CMSS1: variants seen among roughly 807,000 people sequenced by gnomAD.
CMSS1 encodes protein CMSS1.
A neutral mutation model predicts 43.5 loss-of-function variants in CMSS1; 33 were observed. The observed-to-expected ratio is 0.76, with a 90% CI of 0.57 to 1.01. The LOEUF is 1.01. CMSS1 is among the 50% of genes least tolerant of loss of function. The pLI is 0.00. For missense variants in CMSS1, 313 were observed against 326.4 expected (o/e 0.96, Z 0.32); for synonymous variants, 115 against 117.2 (o/e 0.98, Z 0.12).
chr3:99,974,460 AG>A (rs1708910743), intron 1 of CMSS1, among the ~76,000 whole-genome samples: 2 of 152,218 alleles, frequency 1.3e-5, no homozygotes, highest in African/African-American at 2.4e-5. Context: ...CTGTAATCAC[AG>A]CACTTTGGGA....
chr3:99,947,210 A>T (rs545809851), intron 1 of CMSS1, among the ~76,000 whole-genome samples: 3 of 151,446 alleles, frequency 2.0e-5, no homozygotes, highest in South Asian at 4.2e-4. Flanking sequence ...AAGAATTTTT[A>T]AAATTTACCT....
rs981990210 is a variant in CMSS1 at position 99,950,657 on chromosome 3, C to T, written c.64+132614C>T. Reference sequence around the variant, plus strand: ...CCCACTCACCATTTCCAATATTCGCCTCCCCAGACAGAAAGAGGAATGGAG... The same window carrying T: ...CCCACTCACCATTTCCAATATTCGCTTCCCCAGACAGAAAGAGGAATGGAG... On this transcript the variant is annotated intron_variant, in intron 1 of 9. Transcript: ENST00000421999. Among the ~76,000 whole-genome samples the T allele has an allele frequency of 3.3e-5, 5 of 152,162 alleles. No homozygotes were observed. In the South Asian group the frequency reaches 1.0e-3, roughly 32 times the overall value.
chr3:99,965,480 A>G (rs1708622209), intron 1 of CMSS1, among the ~76,000 whole-genome samples: 1 of 152,222 alleles, frequency 6.6e-6, no homozygotes, highest in African/African-American at 2.4e-5. Flanking sequence ...ATTGAGATAA[A>G]TGTTAAATTT....
chr3:99,928,943 A>G (rs1213610421), intron 1 of CMSS1, among the ~76,000 whole-genome samples: 1 of 152,214 alleles, frequency 6.6e-6, no homozygotes, highest in African/African-American at 2.4e-5. Flanking sequence ...ACTATTTGGC[A>G]AGACAGTAGT....
rs1418212431 is a variant in CMSS1, at chr3:100,037,964, G to C, written c.65-109009G>C. Among the ~76,000 whole-genome samples the C allele has an allele frequency of 1.4e-4, 17 of 124,134 alleles. 1 individual carries two copies. Among genetic ancestry groups the C allele is most frequent in the African/African-American group, 5.3e-4 (17 of 32,014 alleles). The allele number at this position is 124,134 out of a possible 152,430, so 81.4% of individuals were successfully genotyped here. On this transcript the variant is annotated intron_variant, in intron 1 of 9. Coordinates refer to ENST00000421999, the MANE Select transcript of CMSS1 (RefSeq NM_032359.4). ...CTTTTTTTTTTTTTTTTTGGGGGGGGAGGGAACAGAGTCTCAAATCTCGCT... is the reference window on the plus strand; with the variant it reads ...CTTTTTTTTTTTTTTTTTGGGGGGGCAGGGAACAGAGTCTCAAATCTCGCT...
rs76949517 is a variant in CMSS1 at position 99,874,021 on chromosome 3, G to A, written c.64+55978G>A. Reference sequence around the variant, plus strand: ...TGCTCATCCAAAGAGCCCAGTGTGAGATAGGGTATCCATGATAAGTCATAC... The same window carrying A: ...TGCTCATCCAAAGAGCCCAGTGTGAAATAGGGTATCCATGATAAGTCATAC... On this transcript the variant is annotated intron_variant, in intron 1 of 9. Coordinates refer to ENST00000421999, the MANE Select transcript of CMSS1 (RefSeq NM_032359.4). Among the ~76,000 whole-genome samples, 687 of 152,346 alleles carry A rather than the reference G, an allele frequency of 4.5e-3. 7 individuals carry two copies. The highest frequency in any genetic ancestry group is 0.016 in the African/African-American group (673 of 41,580).
At chr3:99,968,379 A>G (rs187069049) in intron 1 of CMSS1, among the ~76,000 whole-genome samples, 1 of 152,014 alleles carries the variant, frequency 6.6e-6, no homozygotes, top group East Asian at 1.9e-4. Context: ...TGTCTTGTTT[A>G]CTGTTGAATA....
intron 1 of CMSS1, among the ~76,000 whole-genome samples, chr3:99,839,077 G>A (rs191012692): frequency 6.6e-6 from 1 of 152,048 alleles, no homozygotes; most frequent in Non-Finnish European, 1.5e-5. Context: ...CCTCTTTGGA[G>A]CACCTTTCTT....
At chr3:100,084,283 T>G (rs890803247) in intron 1 of CMSS1, among the ~76,000 whole-genome samples, 1 of 152,222 alleles carries the variant, frequency 6.6e-6, no homozygotes, top group African/African-American at 2.4e-5. Context: ...TCCTACCTGC[T>G]ATTTTTCACT....
At chr3:100,027,193 G>A (rs2064940242) in intron 1 of CMSS1, among the ~76,000 whole-genome samples, 1 of 151,980 alleles carries the variant, frequency 6.6e-6, no homozygotes, top group Non-Finnish European at 1.5e-5. Flanking sequence ...TATCACATAT[G>A]GTCTAGTACA....
intron 1 of CMSS1, among the ~76,000 whole-genome samples, chr3:100,110,466 A>G (rs2066472282): frequency 1.3e-5 from 2 of 152,180 alleles, no homozygotes; most frequent in Non-Finnish European, 2.9e-5. Flanking sequence ...TGGATCCATC[A>G]TGAAGATACC....
rs375147135 is a variant in CMSS1 at position 99,924,282 on chromosome 3, A to G, written c.64+106239A>G. 3.7e-6 allele frequency: 6 copies of G among 1,613,986 alleles called. No homozygotes were observed. Among genetic ancestry groups the G allele is most frequent in the South Asian group, 1.1e-5 (1 of 91,062 alleles). ...ATGAATTCATCACTCTTCTCCATGT[A>G]TTCTTTATGTTTTCTCTTTTCTTCC... On this transcript the variant is annotated intron_variant, in intron 1 of 9. Coordinates refer to ENST00000421999, the MANE Select transcript of CMSS1 (RefSeq NM_032359.4).
chr3:99,881,360 C>T (rs1705720880), intron 1 of CMSS1, among the ~76,000 whole-genome samples: 1 of 152,016 alleles, frequency 6.6e-6, no homozygotes, highest in Non-Finnish European at 1.5e-5. Context: ...AAATGTTGAA[C>T]TCACAAGTAT....
intron 1 of CMSS1, among the ~76,000 whole-genome samples, chr3:99,943,376 G>A (rs1261399122): frequency 2.6e-5 from 4 of 152,030 alleles, no homozygotes; most frequent in South Asian, 2.1e-4. Context: ...ATAACTCCGG[G>A]CTTTTATTTT....
At chr3:99,901,018 A>G (rs760756113) in intron 1 of CMSS1, among the ~76,000 whole-genome samples, 1 of 152,250 alleles carries the variant, frequency 6.6e-6, no homozygotes, top group Non-Finnish European at 1.5e-5. Flanking sequence ...ATTGATAATT[A>G]TGAAGGCAGG....
At chr3:100,149,142 T>G (rs2066880810) in intron 2 of CMSS1, among the ~76,000 whole-genome samples, 1 of 152,230 alleles carries the variant, frequency 6.6e-6, no homozygotes, top group South Asian at 2.1e-4. Context: ...TGTTTGTTCC[T>G]TGCTCTTTCT....
chr3:99,818,415 C>T (rs1204233263), intron 1 of CMSS1, among the ~76,000 whole-genome samples: 1 of 152,180 alleles, frequency 6.6e-6, no homozygotes, highest in Non-Finnish European at 1.5e-5. Context: ...GCTTCAGACT[C>T]CCTCCATTCA....
intron 1 of CMSS1, among the ~76,000 whole-genome samples, chr3:100,007,875 A>G (rs1337624624): frequency 6.6e-6 from 1 of 152,146 alleles, no homozygotes; most frequent in African/African-American, 2.4e-5. Context: ...TAGTGAACAG[A>G]TTCTTATAGT....
chr3:100,118,434 A>G (rs908899413), intron 1 of CMSS1, among the ~76,000 whole-genome samples: 2 of 152,144 alleles, frequency 1.3e-5, no homozygotes, highest in African/African-American at 4.8e-5. Context: ...CCTCCTGATC[A>G]GTCAGCTTTG....
Sources: allele counts gnomAD v4.1 joint callset (sites outside exome capture counted in the v4.1 genomes callset), GRCh38; gene constraint gnomAD v4.1.1; transcripts MANE v1.5; gene names NCBI Gene and HGNC (gene_info 2026-07-23, HGNC 2026-07-21).